The following KPNA6 variants were observed in gnomAD, a reference collection of about 807,000 sequenced individuals.
The protein encoded by KPNA6 is karyopherin subunit alpha 6.
A neutral mutation model predicts 72.0 loss-of-function variants in KPNA6; 9 were observed. The ratio of observed to expected loss-of-function variants is 0.13; its 90% confidence interval spans 0.08 to 0.22. KPNA6 has a LOEUF of 0.22. Ranked by LOEUF, KPNA6 falls within the 10% of genes least tolerant of loss-of-function variation. KPNA6 has a pLI of 1.00. For missense variants in KPNA6, 374 were observed against 655.7 expected (o/e 0.57, Z 4.69); for synonymous variants, 219 against 242.1 (o/e 0.90, Z 0.89).
chr1:32,166,046 TAAAAA>T (rs886174891), intron 10 of KPNA6, 54 bp from the exon 11 acceptor site: 1 of 1,498,710 alleles, frequency 6.7e-7, no homozygotes, highest in Non-Finnish European at 9.0e-7. Flanking sequence ...CAAAAAAACA[TAAAAA>T]AAATTAAAAA....
Position 32,157,452 on chromosome 1 carries a change from A to G in KPNA6, c.331+7A>G. 1.9e-6 allele frequency: 3 copies of G among 1,604,940 alleles called. No homozygotes were observed. The South Asian group carries it at 3.3e-5, about 18-fold the overall frequency. On this transcript the variant is annotated splice_region_variant and intron_variant, in intron 4 of 13. Coordinates refer to ENST00000373625, the MANE Select transcript of KPNA6 (RefSeq NM_012316.5). The stretch of plus-strand genomic sequence containing the variant: ...CGGAAACTGCTCTCCAAAGGTACAA[A>G]GCCTGGCCCTTGTCAGAGAGGCCTT...
At chr1:32,167,859 AAAAAAAAAAC>A (rs1343502443) in intron 12 of KPNA6, among the ~76,000 whole-genome samples, 14 of 148,330 alleles carry the variant, frequency 9.4e-5, no homozygotes, top group South Asian at 2.1e-4. Context: ...GTCACAAAAA[AAAAAAAAAAC>A]AAAAAAAAAC....
intron 1 of KPNA6, among the ~76,000 whole-genome samples, chr1:32,134,486 C>T (rs183352088): frequency 2.2e-3 from 329 of 151,558 alleles, no homozygotes; most frequent in African/African-American, 7.5e-3. Context: ...ACTCAAAATA[C>T]AAAAATTAGC....
intron 1 of KPNA6, among the ~76,000 whole-genome samples, chr1:32,108,922 A>C (rs1641195772): frequency 6.6e-6 from 1 of 152,252 alleles, no homozygotes; most frequent in Non-Finnish European, 1.5e-5. Context: ...ATTTAGAGAC[A>C]GAACCAACAG....
chr1:32,126,960 T>G (rs1014769032), intron 1 of KPNA6, among the ~76,000 whole-genome samples: 1 of 152,118 alleles, frequency 6.6e-6, no homozygotes, highest in Admixed American at 6.6e-5. Flanking sequence ...TCCTGAAAAT[T>G]TCCCTTATAA....
At chr1:32,147,650 C>CTTT (rs915571659) in intron 1 of KPNA6, among the ~76,000 whole-genome samples, 23 of 81,868 alleles carry the variant, frequency 2.8e-4, no homozygotes, top group East Asian at 4.1e-4. Flanking sequence ...GATTTCTTTT[C>CTTT]TTTTTTTTTT....
intron 1 of KPNA6, among the ~76,000 whole-genome samples, chr1:32,130,127 C>T (rs1210603174): frequency 4.6e-5 from 7 of 151,908 alleles, no homozygotes; most frequent in African/African-American, 1.5e-4. Flanking sequence ...CCTGAGAATG[C>T]CTCCCTCTAC....
chr1:32,114,441 C>CAAA lies in KPNA6; in HGVS notation c.4+6316_4+6318dup, dbSNP rs1251610614. On this transcript the variant is annotated intron_variant, in intron 1 of 13. Coordinates refer to ENST00000373625, the MANE Select transcript of KPNA6 (RefSeq NM_012316.5). ...GGGCGACAAGAACGAAACTCTGTCT[C>CAAA]AAAAAAAAAAATATATATATATATA... 2.4e-3 allele frequency among the ~76,000 whole-genome samples: 328 copies of CAAA among 135,270 alleles called. 2 individuals carry two copies. Among genetic ancestry groups the CAAA allele is most frequent in the African/African-American group, 8.3e-3 (294 of 35,628 alleles). 88.7% of individuals were successfully genotyped at this position (135,270 alleles called of 152,430 possible).
chr1:32,154,430 G>GT (rs1423005411), intron 1 of KPNA6, among the ~76,000 whole-genome samples, 158 bp from the exon 2 acceptor site: 1 of 151,802 alleles, frequency 6.6e-6, no homozygotes, highest in African/African-American at 2.4e-5. Context: ...TACTGGGGCT[G>GT]GGGGGTGGGT....
chr1:32,126,486 G>T lies in KPNA6; in HGVS notation c.4+18352G>T, dbSNP rs570231343. Among the ~76,000 whole-genome samples, 223 of 152,202 alleles carry T rather than the reference G, an allele frequency of 1.5e-3. 1 individual carries two copies. The highest frequency in any genetic ancestry group is 5.2e-3 in the African/African-American group (216 of 41,528). ...TGCAACCTCTGCCTCCTGGGTTCAA[G>T]TGATTCTTCTGCCGCAGCCTCCCAA... On this transcript the variant is annotated intron_variant, in intron 1 of 13. Transcript: ENST00000373625.
At chr1:32,123,691 G>A (rs1641478716) in intron 1 of KPNA6, among the ~76,000 whole-genome samples, 1 of 141,486 alleles carries the variant, frequency 7.1e-6, no homozygotes, top group African/African-American at 2.7e-5. Flanking sequence ...AGTGAGCCAA[G>A]ATCATGCCAC....
In KPNA6 at chr1:32,174,844, G is replaced by C. The variant is rs1392688229; in HGVS notation, c.*3950G>C. 2.0e-5 allele frequency: 3 copies of C among 152,224 alleles called. No homozygotes were observed. Among genetic ancestry groups the C allele is most frequent in the African/African-American group, 7.2e-5 (3 of 41,464 alleles). 9.4% of individuals were successfully genotyped at this position (152,224 alleles called of 1,614,324 possible). On this transcript the variant is annotated 3_prime_UTR_variant, in exon 14 of 14. Transcript: ENST00000373625. ...AAACATCTTCAATAGAACTACCCTA[G>C]AATTTAGTGAGTGTGAGACTGAGAT...
intron 1 of KPNA6, among the ~76,000 whole-genome samples, chr1:32,141,771 G>A (rs1336767576): frequency 2.0e-5 from 3 of 151,904 alleles, no homozygotes; most frequent in East Asian, 1.9e-4. Context: ...TTCGATTGTC[G>A]CCTTTGCCGA....
intron 1 of KPNA6, among the ~76,000 whole-genome samples, chr1:32,148,636 C>T (rs549407790): frequency 6.7e-6 from 1 of 149,866 alleles, no homozygotes; most frequent in Non-Finnish European, 1.5e-5. Flanking sequence ...CGGCTCACTG[C>T]AACCTCCACC....
chr1:32,156,053 G>A (rs1642137241), intron 2 of KPNA6, among the ~76,000 whole-genome samples: 1 of 150,184 alleles, frequency 6.7e-6, no homozygotes, highest in Non-Finnish European at 1.5e-5. Flanking sequence ...CACTGTGCCT[G>A]GCCAACCTAA....
At chr1:32,166,624 CAAAAAAAAAAA>C (rs561653103) in intron 11 of KPNA6, among the ~76,000 whole-genome samples, 1 of 39,048 alleles carries the variant, frequency 2.6e-5, no homozygotes, top group African/African-American at 1.0e-4. Flanking sequence ...GACTCCGTCT[CAAAAAAAAAAA>C]AAAAAAAAGA....
chr1:32,160,027 G>A (rs7539490), intron 6 of KPNA6, among the ~76,000 whole-genome samples: 2,212 of 152,236 alleles, frequency 0.015, 17 homozygotes, highest in Middle Eastern at 0.054. Context: ...CGCCAGGCGC[G>A]GTGGCTCACG....
intron 1 of KPNA6, among the ~76,000 whole-genome samples, chr1:32,146,437 T>C (rs1159638797): frequency 6.6e-6 from 1 of 152,206 alleles, no homozygotes; most frequent in Non-Finnish European, 1.5e-5. Context: ...TCCCTTCTCA[T>C]TTCCTTTTGT....
In KPNA6 at chr1:32,176,048, G is replaced by C. The variant is rs538283398; in HGVS notation, c.*5154G>C. 1 of 152,344 alleles carries C rather than the reference G, an allele frequency of 6.6e-6. No homozygotes were observed. Among genetic ancestry groups the C allele is most frequent in the South Asian group, 2.1e-4 (1 of 4,822 alleles). 9.4% of individuals were successfully genotyped at this position (152,344 alleles called of 1,614,324 possible). A position where few individuals can be genotyped will look rare whatever the true frequency, so the allele number is the denominator to read the frequency against. Reference sequence around the variant, plus strand: ...TTGAACCTAGGAGGCAGAGGTTGCAGTGAGCCAAGATTGTGCCAGCCTGGG... The same window carrying C: ...TTGAACCTAGGAGGCAGAGGTTGCACTGAGCCAAGATTGTGCCAGCCTGGG... On this transcript the variant is annotated 3_prime_UTR_variant, in exon 14 of 14. Transcript: ENST00000373625.
Sources: gnomAD v4.1 joint callset for allele counts (sites outside exome capture counted in the v4.1 genomes callset) on GRCh38, gnomAD v4.1.1 for gene constraint, MANE v1.5 for transcripts, NCBI Gene and HGNC (gene_info 2026-07-23, HGNC 2026-07-21) for gene names.